ANO5: variants seen among roughly 807,000 people sequenced by gnomAD.
ANO5 encodes the protein anoctamin 5.
A neutral mutation model predicts 121.0 loss-of-function variants in ANO5; 109 were observed. The observed-to-expected ratio is 0.90, with a 90% CI of 0.77 to 1.06. The LOEUF is 1.06. Ranked by LOEUF, ANO5 falls within the 50% of genes least tolerant of loss-of-function variation. The pLI is 0.00. For missense variants in ANO5, 1,064 were observed against 1,078.5 expected, an observed-to-expected ratio of 0.99 and a Z score of 0.19; for synonymous variants, 406 against 359.9, an observed-to-expected ratio of 1.13 and a Z score of -1.45.
At chr11:22,254,707 A>T (rs1302973157) in intron 12 of ANO5, among the ~76,000 whole-genome samples, 7 of 151,888 alleles carry the variant, frequency 4.6e-5, no homozygotes, top group Non-Finnish European at 8.8e-5. Context: ...TATTTTGTGA[A>T]TTTTTTTGAA....
chr11:22,212,342 A>C (rs559707225), intron 3 of ANO5, among the ~76,000 whole-genome samples: 1 of 151,876 alleles, frequency 6.6e-6, no homozygotes, highest in African/African-American at 2.4e-5. Context: ...TTGTCCTCTC[A>C]GTCTTTTTGT....
In ANO5 at chr11:22,193,357, GCCCTTAGAAGTCCA is replaced by G. The variant is rs1851709551; in HGVS notation, c.-135_-122del. 1 of 1,522,316 alleles carries G rather than the reference GCCCTTAGAAGTCCA, an allele frequency of 6.6e-7. No individual in the cohort carries two copies. Among genetic ancestry groups the G allele is most frequent in the Non-Finnish European group, 8.8e-7 (1 of 1,136,936 alleles). The allele number at this position is 1,522,316 out of a possible 1,614,324, so 94.3% of individuals were successfully genotyped here. ...AGGAGGCCTGCAGAAGGAAGAGCAG[GCCCTTAGAAGTCCA>G]GCAGCAGCAACTCCGGCGGCCCACA... On this transcript the variant is annotated 5_prime_UTR_variant, in exon 1 of 22. Coordinates refer to ENST00000324559, the MANE Select transcript of ANO5 (RefSeq NM_213599.3).
At chr11:22,257,818 A>G in intron 14 of ANO5, 64 bp downstream of exon 14, 1 of 1,343,856 alleles carries the variant, frequency 7.4e-7, no homozygotes, top group South Asian at 1.2e-5. Context: ...CTATCTCAAC[A>G]GTGTTACCTA....
At position 22,227,484 on chromosome 11, in the gene ANO5, C is replaced by T. The variant is rs753909670; in HGVS notation, c.546C>T (p.Pro182=). The T allele has an allele frequency of 1.4e-5, 22 of 1,613,446 alleles. No individual in the cohort carries two copies. The South Asian group carries it at 2.2e-4, about 16-fold the overall frequency. The change falls in exon 7 of 22, where the codon CCC becomes CCT. Residue 182 remains proline (P), a synonymous_variant. Coordinates refer to ENST00000324559, the MANE Select transcript of ANO5 (RefSeq NM_213599.3). ...GACTCCCACTGAGTGTGAAGTATCCCCATCCTGAATATTTTACTGCACAAT... is the reference window on the plus strand; with the variant it reads ...GACTCCCACTGAGTGTGAAGTATCCTCATCCTGAATATTTTACTGCACAAT... The part of the protein sequence containing the change: ...PVRLPLSVKY[P]HPEYFTAQFS...
chr11:22,262,431 G>C, intron 16 of ANO5, 133 bp downstream of exon 16: 1 of 939,136 alleles, frequency 1.1e-6, no homozygotes, highest in Non-Finnish European at 1.6e-6. Context: ...TCCACAGAGA[G>C]TATTGTTCAC....
chr11:22,230,581 A>T (rs1243127556), intron 7 of ANO5, among the ~76,000 whole-genome samples: 1 of 152,058 alleles, frequency 6.6e-6, no homozygotes, highest in Admixed American at 6.6e-5. Flanking sequence ...CATAAATCCA[A>T]CACCTACAAA....
chr11:22,273,961 A>ATTTTT (rs1457643477), intron 19 of ANO5, among the ~76,000 whole-genome samples: 12 of 152,126 alleles, frequency 7.9e-5, no homozygotes, highest in Non-Finnish European at 1.6e-4. Context: ...TAGCACTAAA[A>ATTTTT]TTATAAGTGC....
intron 7 of ANO5, among the ~76,000 whole-genome samples, chr11:22,234,562 T>C (rs1853151794): frequency 6.6e-6 from 1 of 152,136 alleles, no homozygotes; most frequent in Non-Finnish European, 1.5e-5. Flanking sequence ...TATAACAAGT[T>C]AGTATGAGTT....
intron 12 of ANO5, among the ~76,000 whole-genome samples, chr11:22,251,476 G>A (rs1853814353): frequency 6.6e-6 from 1 of 152,040 alleles, no homozygotes; most frequent in South Asian, 2.1e-4. Flanking sequence ...CCTTCATATA[G>A]AATGGAATTT....
At chr11:22,206,880 T>C (rs1478221744) in intron 2 of ANO5, among the ~76,000 whole-genome samples, 1 of 151,942 alleles carries the variant, frequency 6.6e-6, no homozygotes, top group Admixed American at 6.6e-5. Flanking sequence ...ACCCTTCTCA[T>C]TAAATATAGT....
rs188065904 is a variant in ANO5 at position 22,195,876 on chromosome 11, A to C, written c.40+2344A>C. ...TTTGATGGCTGGGACTAATTACTGCATTCTGCCCAAATTCCTGTATCTAGA... is the reference window on the plus strand; with the variant it reads ...TTTGATGGCTGGGACTAATTACTGCCTTCTGCCCAAATTCCTGTATCTAGA... On this transcript the variant is annotated intron_variant, in intron 1 of 21. Transcript: ENST00000324559. 2.7e-3 allele frequency among the ~76,000 whole-genome samples: 417 copies of C among 152,310 alleles called. 2 individuals carry two copies. The highest frequency in any genetic ancestry group is 0.014 in the Middle Eastern group (4 of 294).
At chr11:22,225,502 G>A (rs969925535) in intron 5 of ANO5, among the ~76,000 whole-genome samples, 11 of 151,998 alleles carry the variant, frequency 7.2e-5, no homozygotes, top group Admixed American at 1.3e-4. Context: ...CACCCAAGTG[G>A]TTATTTTCAG....
chr11:22,279,858 C>A lies in ANO5; in HGVS notation c.*93C>A. ...CGCCAGAAGCCATGTGTCAATTTTACCCTTTCTTTTTTTTTTTTTTCTTTT... is the reference window on the plus strand; with the variant it reads ...CGCCAGAAGCCATGTGTCAATTTTAACCTTTCTTTTTTTTTTTTTTCTTTT... On this transcript the variant is annotated 3_prime_UTR_variant, in exon 22 of 22. Coordinates refer to ENST00000324559, the MANE Select transcript of ANO5 (RefSeq NM_213599.3). 2.9e-6 allele frequency: 3 copies of A among 1,023,736 alleles called. No homozygotes were observed. Among genetic ancestry groups the A allele is most frequent in the Non-Finnish European group, 4.1e-6 (3 of 732,850 alleles). 63.4% of individuals were successfully genotyped at this position (1,023,736 alleles called of 1,614,324 possible).
rs1348058258 is a variant in ANO5, at chr11:22,262,182, C to G, written c.1684C>G (p.Leu562Val). The part of the protein sequence containing the change: ...YESSLTLKMF[L>V]FQFVNFYSSC... ...GAGCAGTCTTACCTTGAAAATGTTC[C>G]TGTTTCAGTTTGTAAATTTTTACTC... The change falls in exon 16 of 22, where the codon CTG becomes GTG. Residue 562 changes from leucine to valine, a missense_variant. Coordinates refer to ENST00000324559, the MANE Select transcript of ANO5 (RefSeq NM_213599.3). 1 of 1,613,884 alleles carries G rather than the reference C, an allele frequency of 6.2e-7. No homozygotes were observed. Among genetic ancestry groups the G allele is most frequent in the Non-Finnish European group, 8.5e-7 (1 of 1,179,934 alleles).
chr11:22,198,830 T>C (rs2133497496), intron 1 of ANO5, among the ~76,000 whole-genome samples: 1 of 152,340 alleles, frequency 6.6e-6, no homozygotes, highest in South Asian at 2.1e-4. Flanking sequence ...CTTAGAATCC[T>C]ATTCTTTATC....
chr11:22,203,760 C>T lies in ANO5; in HGVS notation c.41-44C>T, dbSNP rs749028640. On this transcript the variant is annotated intron_variant, in intron 1 of 21. Coordinates refer to ENST00000324559, the MANE Select transcript of ANO5 (RefSeq NM_213599.3). ...CACAGACTTTTGAATATGTTCTGAT[C>T]AGTGGCTAATTTAACATGTTTTTCT... is the stretch of plus-strand genomic sequence containing the variant. 8 of 1,203,092 alleles carry T rather than the reference C, an allele frequency of 6.6e-6. No individual in the cohort carries two copies. The African/African-American group carries it at 1.2e-4, about 18-fold the overall frequency. The allele number at this position is 1,203,092 out of a possible 1,614,324, so 74.5% of individuals were successfully genotyped here.
chr11:22,212,421 C>T lies in ANO5; in HGVS notation c.138+1107C>T, dbSNP rs1371371836. ...TACAAATGTTGCTAAAATGAATACC[C>T]TTGGGAATTAGTCTTATAATATTTT... is the stretch of plus-strand genomic sequence containing the variant. On this transcript the variant is annotated intron_variant, in intron 3 of 21. Coordinates refer to ENST00000324559, the MANE Select transcript of ANO5 (RefSeq NM_213599.3). Among the ~76,000 whole-genome samples, 31 of 151,826 alleles carry T rather than the reference C, an allele frequency of 2.0e-4. 1 individual carries two copies. The highest frequency in any genetic ancestry group is 5.9e-5 in the Non-Finnish European group (4 of 67,896).
In ANO5 at chr11:22,263,036, A is replaced by G; in HGVS notation, c.1891A>G (p.Ile631Val). 6.2e-7 allele frequency: 1 copy of G among 1,605,918 alleles called. No individual in the cohort carries two copies. Among genetic ancestry groups the G allele is most frequent in the Non-Finnish European group, 8.5e-7 (1 of 1,172,888 alleles). ...KQIFGNIKEAIYPLALNWWRR... is the reference protein window; with the variant it reads ...KQIFGNIKEAVYPLALNWWRR... The stretch of plus-strand genomic sequence containing the variant: ...GATTTTTGGAAACATTAAAGAAGCC[A>G]TTTATCCGTATGTATGACTTACAAG... The change falls in exon 17 of 22, where the codon ATT becomes GTT. Residue 631 changes from isoleucine (I) to valine (V), a missense_variant. Ile to Val is a conservative substitution (Grantham distance 29). Coordinates refer to ENST00000324559, the MANE Select transcript of ANO5 (RefSeq NM_213599.3).
upstream of ANO5, among the ~76,000 whole-genome samples, chr11:22,192,819 G>T (rs1315526416): frequency 1.3e-5 from 2 of 152,210 alleles, no homozygotes; most frequent in East Asian, 1.9e-4. Flanking sequence ...GAGCAGGCCG[G>T]CCAACAGGGC....
Sources: gnomAD v4.1 joint callset for allele counts (sites outside exome capture counted in the v4.1 genomes callset) on GRCh38, gnomAD v4.1.1 for gene constraint, MANE v1.5 for transcripts, NCBI Gene and HGNC (gene_info 2026-07-23, HGNC 2026-07-21) for gene names.